Variants in LRRTM4 observed in about 807,000 individuals in gnomAD.
The protein encoded by LRRTM4 is leucine-rich repeat transmembrane neuronal protein 4.
In LRRTM4, 25 loss-of-function variants were observed where a neutral mutation model predicts 47.6. That is an observed-to-expected ratio of 0.53 (90% CI 0.38 to 0.73). The LOEUF is 0.73. LRRTM4 is among the 30% of genes least tolerant of loss of function. The pLI is 0.00. For synonymous variants in LRRTM4, 311 were observed against 269.5 expected, an observed-to-expected ratio of 1.15 and a Z score of -1.51; for missense variants, 638 against 713.4, an observed-to-expected ratio of 0.89 and a Z score of 1.20.
intron 3 of LRRTM4, among the ~76,000 whole-genome samples, chr2:77,122,152 A>G (rs964856040): frequency 6.6e-6 from 1 of 151,744 alleles, no homozygotes; most frequent in African/African-American, 2.4e-5. Flanking sequence ...TTAAACAATC[A>G]AGTTTCATAA....
At chr2:76,861,398 CTA>C (rs1672307945) in intron 3 of LRRTM4, among the ~76,000 whole-genome samples, 1 of 152,012 alleles carries the variant, frequency 6.6e-6, no homozygotes, top group South Asian at 2.1e-4. Context: ...CCATATCTAA[CTA>C]TATGTCACTT....
intron 3 of LRRTM4, among the ~76,000 whole-genome samples, chr2:76,981,468 G>T (rs552962659): frequency 1.5e-4 from 23 of 152,114 alleles, no homozygotes; most frequent in African/African-American, 5.3e-4. Context: ...TTTAACATCA[G>T]TCCAACTCTA....
At chr2:77,440,949 G>T (rs906542557) in intron 3 of LRRTM4, among the ~76,000 whole-genome samples, 6 of 151,536 alleles carry the variant, frequency 4.0e-5, no homozygotes, top group Non-Finnish European at 7.4e-5. Flanking sequence ...ATGAAGAAAT[G>T]TTGTCACTGT....
At chr2:77,512,650 A>T (rs1489744178) in intron 3 of LRRTM4, among the ~76,000 whole-genome samples, 1 of 152,130 alleles carries the variant, frequency 6.6e-6, no homozygotes, top group Non-Finnish European at 1.5e-5. Flanking sequence ...CAGTGAAAAT[A>T]TTACTGAGCA....
At chr2:76,845,781 G>T (rs955577881) in intron 3 of LRRTM4, among the ~76,000 whole-genome samples, 3 of 152,196 alleles carry the variant, frequency 2.0e-5, no homozygotes, top group African/African-American at 7.2e-5. Context: ...AAATGAGTAG[G>T]GCTTTGGTAA....
intron 3 of LRRTM4, among the ~76,000 whole-genome samples, chr2:77,082,543 G>A (rs999777451): frequency 3.3e-4 from 50 of 151,974 alleles, no homozygotes; most frequent in Admixed American, 2.7e-3. Flanking sequence ...ATTGTAAAAG[G>A]TACCATTCTT....
rs1416650334 is a variant in LRRTM4 at position 77,218,612 on chromosome 2, G to T, written c.1551+299706C>A. On this transcript the variant is annotated intron_variant, in intron 3 of 3. Transcript: ENST00000409884. ...TTAATGAAAGCCAAATAGTTTCAAA[G>T]TTGAGAAAGAGTTGGAGAATTTCTC... 2.6e-5 allele frequency among the ~76,000 whole-genome samples: 4 copies of T among 152,016 alleles called. No individual in the cohort carries two copies. In the South Asian group the frequency reaches 8.3e-4, roughly 32 times the overall value.
chr2:76,909,170 A>G (rs1055512203), intron 3 of LRRTM4, among the ~76,000 whole-genome samples: 42 of 152,328 alleles, frequency 2.8e-4, no homozygotes, highest in African/African-American at 8.4e-4. Flanking sequence ...AACAGAACAG[A>G]GCCCTCAGAA....
At chr2:77,088,255 G>T (rs539864010) in intron 3 of LRRTM4, among the ~76,000 whole-genome samples, 1 of 152,124 alleles carries the variant, frequency 6.6e-6, no homozygotes, top group South Asian at 2.1e-4. Context: ...TGAAGCAATC[G>T]CGTCCCCTGT....
At chr2:77,135,976 C>T (rs1046736738) in intron 3 of LRRTM4, among the ~76,000 whole-genome samples, 5 of 151,850 alleles carry the variant, frequency 3.3e-5, no homozygotes, top group South Asian at 2.1e-4. Flanking sequence ...TACCTAAATA[C>T]CCAATTTAGG....
chr2:77,407,690 A>T (rs1183952782), intron 3 of LRRTM4, among the ~76,000 whole-genome samples: 2,131 of 134,802 alleles, frequency 0.016, 51 homozygotes, highest in African/African-American at 0.053. Flanking sequence ...ATTTAATATA[A>T]TATATGATAT....
chr2:76,854,310 T>C (rs1201194304), intron 3 of LRRTM4, among the ~76,000 whole-genome samples: 2 of 152,156 alleles, frequency 1.3e-5, no homozygotes, highest in Non-Finnish European at 2.9e-5. Flanking sequence ...ATTTTGACTG[T>C]CTGATAATAC....
chr2:77,290,455 T>A (rs2104126468), intron 3 of LRRTM4, among the ~76,000 whole-genome samples: 1 of 151,994 alleles, frequency 6.6e-6, no homozygotes, highest in Non-Finnish European at 1.5e-5. Context: ...AAAAATATTG[T>A]TAGACAAAAG....
intron 3 of LRRTM4, among the ~76,000 whole-genome samples, chr2:76,775,807 G>A (rs986770830): frequency 1.3e-4 from 19 of 151,766 alleles, no homozygotes; most frequent in African/African-American, 4.4e-4. Context: ...TGCATATTGT[G>A]CAGGTTAGTT....
intron 3 of LRRTM4, among the ~76,000 whole-genome samples, chr2:77,386,822 C>CA (rs1389262415): frequency 6.6e-6 from 1 of 152,010 alleles, no homozygotes; most frequent in Non-Finnish European, 1.5e-5. Context: ...AGCATTAGGA[C>CA]AAATACCTAA....
At chr2:77,277,631 G>T (rs1349742252) in intron 3 of LRRTM4, among the ~76,000 whole-genome samples, 1 of 151,910 alleles carries the variant, frequency 6.6e-6, no homozygotes, top group Non-Finnish European at 1.5e-5. Context: ...ATAATTTCTG[G>T]CTTTGATAGA....
intron 3 of LRRTM4, among the ~76,000 whole-genome samples, chr2:76,907,490 A>C (rs1025253139): frequency 6.1e-5 from 9 of 147,424 alleles, no homozygotes; most frequent in South Asian, 2.2e-4. Context: ...AATAACTAAA[A>C]TCAGAGCAGA....
At chr2:76,875,642 C>T (rs537719247) in intron 3 of LRRTM4, among the ~76,000 whole-genome samples, 41 of 152,014 alleles carry the variant, frequency 2.7e-4, no homozygotes, top group Non-Finnish European at 4.9e-4. Context: ...AGAAAAAAGT[C>T]CCTGGCCTTT....
rs976128587 is a variant in LRRTM4, at chr2:77,285,975, A to G, written c.1551+232343T>C. On this transcript the variant is annotated intron_variant, in intron 3 of 3. Transcript: ENST00000409884. ...CAAAGTAATAAAACATTTTCCTTAAACCCAATAACTTTATCTTATACATAA... is the reference window on the plus strand; with the variant it reads ...CAAAGTAATAAAACATTTTCCTTAAGCCCAATAACTTTATCTTATACATAA... Among the ~76,000 whole-genome samples the G allele has an allele frequency of 2.0e-5, 3 of 152,102 alleles. No homozygotes were observed. In the South Asian group the frequency reaches 6.2e-4, roughly 31 times the overall value.
Sources: gnomAD v4.1 joint callset for allele counts (sites outside exome capture counted in the v4.1 genomes callset) on GRCh38, gnomAD v4.1.1 for gene constraint, MANE v1.5 for transcripts, NCBI Gene and HGNC (gene_info 2026-07-23, HGNC 2026-07-21) for gene names.